The following CPEB2 variants were observed in gnomAD, a reference collection of about 807,000 sequenced individuals.
CPEB2 encodes the protein cytoplasmic polyadenylation element-binding protein 2.
A neutral mutation model predicts 93.6 loss-of-function variants in CPEB2; 56 were observed. That is an observed-to-expected ratio of 0.60 (90% CI 0.48 to 0.75). The LOEUF (loss-of-function observed/expected upper bound fraction) is 0.75. CPEB2 is among the 30% of genes least tolerant of loss of function. CPEB2 has a pLI of 0.00. For missense variants in CPEB2, 1,579 were observed against 1,395.1 expected, an observed-to-expected ratio of 1.13 and a Z score of -2.10; for synonymous variants, 764 against 586.3, an observed-to-expected ratio of 1.30 and a Z score of -4.38.
At chr4:15,050,934 T>C (rs938053728) in intron 6 of CPEB2, among the ~76,000 whole-genome samples, 3 of 152,222 alleles carry the variant, frequency 2.0e-5, no homozygotes, top group Non-Finnish European at 2.9e-5. Context: ...CCTTTTCAGC[T>C]TCCTACTATA....
intron 7 of CPEB2, 146 bp downstream of exon 7, chr4:15,052,730 T>C: frequency 2.2e-6 from 1 of 451,992 alleles, no homozygotes; most frequent in Non-Finnish European, 3.8e-6. Flanking sequence ...TAAAATACTT[T>C]ATCACCTGTT....
chr4:15,028,982 C>T (rs960317876), intron 4 of CPEB2, among the ~76,000 whole-genome samples: 1 of 152,014 alleles, frequency 6.6e-6, no homozygotes, highest in African/African-American at 2.4e-5. Flanking sequence ...ATACAGTTGT[C>T]ACTTGGTAAC....
chr4:15,052,900 A>C (rs1728360301), intron 7 of CPEB2, among the ~76,000 whole-genome samples: 1 of 152,040 alleles, frequency 6.6e-6, no homozygotes, highest in Non-Finnish European at 1.5e-5. Flanking sequence ...TAAAACTTAA[A>C]GCTTTTTGTA....
Position 15,066,384 on chromosome 4 carries a change from T to G in CPEB2, c.*4T>G, listed in dbSNP as rs982716822. On this transcript the variant is annotated 3_prime_UTR_variant, in exon 12 of 12. Transcript: ENST00000538197. ...GATCCACTTCCGCTGGAACTAAGAA[T>G]AGCAAACTGGCCTCTGTTTAACAAG... is the stretch of plus-strand genomic sequence containing the variant. The G allele has an allele frequency of 4.4e-6, 7 of 1,583,200 alleles. No homozygotes were observed. The Admixed American group carries it at 1.3e-4, about 29-fold the overall frequency.
chr4:15,004,333 C>G lies in CPEB2; in HGVS notation c.1660C>G (p.Gln554Glu). ...LQQRNSYNHH[Q>E]PLLKQSPWSN... Reference sequence around the variant, plus strand: ...GCAGAGGAACTCCTATAACCACCACCAGGTACGGCGGGCGGCGGCCTGGCC... The same window carrying G: ...GCAGAGGAACTCCTATAACCACCACGAGGTACGGCGGGCGGCGGCCTGGCC... The change falls in exon 1 of 12, where the codon CAG becomes GAG. Residue 554 changes from glutamine to glutamate, a missense_variant and splice_region_variant. Gln to Glu is a conservative substitution (Grantham distance 29). Transcript: ENST00000538197. 6.9e-7 allele frequency: 1 copy of G among 1,458,892 alleles called. No homozygotes were observed. Among genetic ancestry groups the G allele is most frequent in the Non-Finnish European group, 9.0e-7 (1 of 1,116,502 alleles). 90.4% of individuals were successfully genotyped at this position (1,458,892 alleles called of 1,614,324 possible). A position where few individuals can be genotyped will look rare whatever the true frequency, so the allele number is the denominator to read the frequency against.
chr4:15,008,548 A>T, intron 3 of CPEB2, 121 bp downstream of exon 3: 1 of 517,556 alleles, frequency 1.9e-6, no homozygotes, highest in Non-Finnish European at 3.2e-6. Flanking sequence ...GAGGACACTG[A>T]AGCAATTTAT....
chr4:15,013,556 CTG>C (rs1372860431), intron 3 of CPEB2, among the ~76,000 whole-genome samples: 1 of 151,960 alleles, frequency 6.6e-6, no homozygotes, highest in Non-Finnish European at 1.5e-5. Flanking sequence ...TTCCTAATGT[CTG>C]TATTTCAGAA....
chr4:15,010,895 A>G (rs1450052448), intron 3 of CPEB2, among the ~76,000 whole-genome samples: 1 of 152,180 alleles, frequency 6.6e-6, no homozygotes, highest in Non-Finnish European at 1.5e-5. Flanking sequence ...AATCGAATTC[A>G]ATAAATAAGA....
At chr4:15,005,255 G>A (rs967857564) in intron 1 of CPEB2, 4 of 152,374 alleles carry the variant, frequency 2.6e-5, no homozygotes, top group African/African-American at 9.6e-5. Flanking sequence ...GTCATGTTTT[G>A]TGGGTTTTAA....
chr4:15,066,026 G>A (rs1729678294), intron 11 of CPEB2, 127 bp from the exon 12 acceptor site: 1 of 759,122 alleles, frequency 1.3e-6, no homozygotes, highest in Non-Finnish European at 2.2e-6. Context: ...CTCCTTCCTT[G>A]AGAAACTGCC....
At chr4:15,061,837 A>T (rs1729212999) in intron 10 of CPEB2, among the ~76,000 whole-genome samples, 1 of 147,542 alleles carries the variant, frequency 6.8e-6, no homozygotes. Flanking sequence ...ATAGGACAGA[A>T]GATAGAGTAT....
At position 15,011,146 on chromosome 4, in the gene CPEB2, G is replaced by GCTGAAGTGCAGTGGCACGATCT. The variant is rs1723426785; in HGVS notation, c.2034+2721_2034+2742dup. 2.1e-5 allele frequency among the ~76,000 whole-genome samples: 3 copies of GCTGAAGTGCAGTGGCACGATCT among 145,184 alleles called. No homozygotes were observed. In the South Asian group the frequency reaches 6.5e-4, roughly 31 times the overall value. ...GAGACAGTTTCACTCTGTCACTCAG[G>GCTGAAGTGCAGTGGCACGATCT]CTGAAGTGCAGTGGCACGATCTCGT... On this transcript the variant is annotated intron_variant, in intron 3 of 11. Coordinates refer to ENST00000538197, the MANE Select transcript of CPEB2 (RefSeq NM_001177382.2).
intron 5 of CPEB2, among the ~76,000 whole-genome samples, chr4:15,034,845 A>C (rs1004517277): frequency 6.6e-6 from 1 of 152,208 alleles, no homozygotes; most frequent in African/African-American, 2.4e-5. Flanking sequence ...CACCAGGGTT[A>C]CTGAAGAGAG....
At chr4:15,060,390 C>T (rs187914264) in intron 10 of CPEB2, among the ~76,000 whole-genome samples, 3 of 152,078 alleles carry the variant, frequency 2.0e-5, no homozygotes, top group African/African-American at 4.8e-5. Context: ...GAGAGGGGGG[C>T]CAGGGTGAGA....
At chr4:15,033,296 C>A in intron 5 of CPEB2, 85 bp downstream of exon 5, 1 of 835,488 alleles carries the variant, frequency 1.2e-6, no homozygotes, top group East Asian at 2.6e-5. Flanking sequence ...TGTCCATACA[C>A]ACAATTTAAT....
chr4:15,019,909 G>A (rs1007204319), intron 4 of CPEB2, among the ~76,000 whole-genome samples: 2 of 151,974 alleles, frequency 1.3e-5, no homozygotes, highest in South Asian at 2.1e-4. Context: ...TTTAAATTTG[G>A]GAGCAGTTTA....
chr4:15,059,658 AAT>A (rs1016722923), intron 10 of CPEB2, among the ~76,000 whole-genome samples: 1 of 146,506 alleles, frequency 6.8e-6, no homozygotes, highest in Non-Finnish European at 1.5e-5. Flanking sequence ...CTGAAAAAGA[AAT>A]ATGGGATTTT....
intron 4 of CPEB2, among the ~76,000 whole-genome samples, chr4:15,018,540 A>T (rs570313801): frequency 6.1e-5 from 9 of 146,938 alleles, no homozygotes; most frequent in African/African-American, 2.0e-4. Context: ...GTATCTTTGT[A>T]TAGGGTCTTG....
In CPEB2 at chr4:15,031,018, G is replaced by A. The variant is rs868044935; in HGVS notation, c.2126-2143G>A. Among the ~76,000 whole-genome samples the A allele has an allele frequency of 3.3e-5, 5 of 152,182 alleles. No individual in the cohort carries two copies. In the South Asian group the frequency reaches 8.3e-4, roughly 25 times the overall value. On this transcript the variant is annotated intron_variant, in intron 4 of 11. Coordinates refer to ENST00000538197, the MANE Select transcript of CPEB2 (RefSeq NM_001177382.2). ...GGCTTTGCTTAATTTACTTTCCCAG[G>A]AAGTCTTGCCTTAATCCCTGGGCCT...
Sources: gnomAD v4.1 joint callset for allele counts (sites outside exome capture counted in the v4.1 genomes callset) on GRCh38, gnomAD v4.1.1 for gene constraint, MANE v1.5 for transcripts, NCBI Gene and HGNC (gene_info 2026-07-23, HGNC 2026-07-21) for gene names.